The following ATP10B variants were observed in gnomAD, a reference collection of about 807,000 sequenced individuals.
ATP10B encodes ATPase phospholipid transporting 10B (putative), also known as phospholipid-transporting ATPase VB.
Under a neutral mutation model 141.2 loss-of-function variants are expected in ATP10B, and 122 were observed. The ratio of observed to expected loss-of-function variants is 0.86; its 90% CI spans 0.75 to 1.00. The LOEUF (loss-of-function observed/expected upper bound fraction) is 1.00. Among genes scored for constraint, ATP10B ranks in the 50% least tolerant of loss-of-function variants. The probability of loss-of-function intolerance (pLI) is 0.00; values close to 1 mark genes in which losing one functional copy is unlikely to be tolerated. For missense variants in ATP10B, 1,876 were observed against 1,825.3 expected (o/e 1.03, Z -0.51); for synonymous variants, 685 against 692.0 (o/e 0.99, Z 0.16).
At chr5:160,789,901 T>C (rs1214507547) in intron 1 of ATP10B, among the ~76,000 whole-genome samples, 1 of 152,212 alleles carries the variant, frequency 6.6e-6, no homozygotes, top group African/African-American at 2.4e-5. Flanking sequence ...ATCAACAATG[T>C]ATTCATTCAT....
chr5:160,755,831 AAAAAAAAATATATATATATATATATAT>A (rs1353485279), intron 2 of ATP10B, among the ~76,000 whole-genome samples: 3 of 68,840 alleles, frequency 4.4e-5, no homozygotes, highest in African/African-American at 2.5e-4. Flanking sequence ...AAAAAAAAAA[AAAAAAAAATATATATATATATATATAT>A]ATATATATAT....
At chr5:160,802,836 T>G (rs535472185) in intron 1 of ATP10B, among the ~76,000 whole-genome samples, 1 of 152,344 alleles carries the variant, frequency 6.6e-6, no homozygotes, top group East Asian at 1.9e-4. Flanking sequence ...TTGTCTGGCT[T>G]CTTCTCATCT....
At chr5:160,673,690 A>T (rs898414725) in intron 6 of ATP10B, among the ~76,000 whole-genome samples, 1 of 151,726 alleles carries the variant, frequency 6.6e-6, no homozygotes, top group African/African-American at 2.4e-5. Flanking sequence ...TTGTTTATTT[A>T]TATATTTAGG....
At chr5:160,689,887 C>T (rs922055050) in intron 3 of ATP10B, among the ~76,000 whole-genome samples, 15 of 151,984 alleles carry the variant, frequency 9.9e-5, no homozygotes, top group Non-Finnish European at 1.8e-4. Context: ...AAAAAAGAGC[C>T]CATATAGCCA....
At chr5:160,778,999 G>A (rs6863980) in intron 2 of ATP10B, among the ~76,000 whole-genome samples, 42,681 of 152,038 alleles carry the variant, frequency 0.28, 6,383 homozygotes, top group African/African-American at 0.37. Context: ...GGAATGGAAT[G>A]AAGTCTGTGC....
At chr5:160,767,757 A>G (rs1211229501) in intron 2 of ATP10B, among the ~76,000 whole-genome samples, 1 of 151,498 alleles carries the variant, frequency 6.6e-6, no homozygotes, top group African/African-American at 2.4e-5. Flanking sequence ...GATTCTTGCT[A>G]TGCTGGTGAC....
At chr5:160,616,973 A>C (rs1315761597) in intron 16 of ATP10B, among the ~76,000 whole-genome samples, 2 of 152,232 alleles carry the variant, frequency 1.3e-5, no homozygotes, top group African/African-American at 4.8e-5. Flanking sequence ...TTTTACAGAT[A>C]AAACTCAGAA....
chr5:160,828,628 C>A (rs1774815608), intron 1 of ATP10B, among the ~76,000 whole-genome samples: 1 of 151,546 alleles, frequency 6.6e-6, no homozygotes, highest in East Asian at 1.9e-4. Flanking sequence ...ACTAGTTCAA[C>A]CATTGTGGAA....
chr5:160,632,586 C>T (rs777189935), intron 12 of ATP10B: 2 of 360,998 alleles, frequency 5.5e-6, no homozygotes, highest in South Asian at 9.0e-5. Context: ...TGACTTTGAG[C>T]TTTGACATAA....
chr5:160,905,094 C>A, the ATP10B span, among the ~76,000 whole-genome samples: 1 of 152,188 alleles, frequency 6.6e-6, no homozygotes, highest in Admixed American at 6.5e-5. Flanking sequence ...CAAGCCCTTA[C>A]AACAACTCTG....
intron 7 of ATP10B, among the ~76,000 whole-genome samples, chr5:160,653,613 ACATATATAT>A (rs1581274747): frequency 3.1e-5 from 1 of 32,358 alleles, no homozygotes; most frequent in East Asian, 3.6e-4. Flanking sequence ...ATACATATAT[ACATATATAT>A]TATATATACA....
chr5:160,641,936 C>T (rs1233001732), intron 9 of ATP10B, among the ~76,000 whole-genome samples: 1 of 152,202 alleles, frequency 6.6e-6, no homozygotes, highest in South Asian at 2.1e-4. Flanking sequence ...GGGGTTCCAG[C>T]AGTACTCCTG....
upstream of ATP10B, among the ~76,000 whole-genome samples, chr5:160,856,528 T>C (rs572221564): frequency 6.6e-6 from 1 of 151,912 alleles, no homozygotes; most frequent in Non-Finnish European, 1.5e-5. Context: ...TCACTGAAAC[T>C]TTTAAGGCTA....
intron 9 of ATP10B, among the ~76,000 whole-genome samples, chr5:160,643,582 G>A (rs1760040683): frequency 6.6e-6 from 1 of 152,180 alleles, no homozygotes; most frequent in African/African-American, 2.4e-5. Flanking sequence ...AAGTGGGAAG[G>A]AGAGATAGGC....
In ATP10B at chr5:160,686,109, A is replaced by T; in HGVS notation, c.440T>A (p.Ile147Lys). ...DFKRHRFDKA[I>K]NCSNIRIYER... ...ATAAATTCGAATGTTGGAGCAGTTT[A>T]TTGCTTTATCAAAGCGGTGTCTCTT... Residue 147 changes from isoleucine (I) to lysine (K), a missense_variant, in exon 6 of 26, where the codon ATA becomes AAA. By Grantham distance (102) the Ile-to-Lys change is moderately radical. Coordinates refer to ENST00000327245, the MANE Select transcript of ATP10B (RefSeq NM_025153.3). The T allele has an allele frequency of 6.3e-7, 1 of 1,596,708 alleles. No homozygotes were observed. The highest frequency in any genetic ancestry group is 8.5e-7 in the Non-Finnish European group (1 of 1,169,792).
the ATP10B span, among the ~76,000 whole-genome samples, chr5:160,892,026 C>T: frequency 2.6e-4 from 39 of 152,288 alleles, 1 homozygote; most frequent in South Asian, 3.9e-3. Flanking sequence ...CAAGCCAAGA[C>T]GCTATAGCAG....
chr5:160,758,996 G>A (rs962594758), intron 2 of ATP10B, among the ~76,000 whole-genome samples: 2 of 152,148 alleles, frequency 1.3e-5, no homozygotes, highest in Admixed American at 6.5e-5. Flanking sequence ...CTGGATTTGG[G>A]CTTTTTAGGG....
chr5:160,627,713 A>G (rs908163847), intron 13 of ATP10B, among the ~76,000 whole-genome samples: 1 of 152,220 alleles, frequency 6.6e-6, no homozygotes, highest in Non-Finnish European at 1.5e-5. Context: ...GCAGCTCTCT[A>G]TTGAATGTCT....
chr5:160,885,124 G>A, the ATP10B span, among the ~76,000 whole-genome samples: 1 of 152,200 alleles, frequency 6.6e-6, no homozygotes, highest in Non-Finnish European at 1.5e-5. Flanking sequence ...AATAGGCAGA[G>A]TATATAAAAA....
Sources: allele counts gnomAD v4.1 joint callset (sites outside exome capture counted in the v4.1 genomes callset), GRCh38; gene constraint gnomAD v4.1.1; transcripts MANE v1.5; gene names NCBI Gene and HGNC (gene_info 2026-07-23, HGNC 2026-07-21).